STAU1: variants seen among roughly 807,000 people sequenced by gnomAD.
STAU1 encodes the protein staufen double-stranded RNA binding protein 1, also known as double-stranded RNA-binding protein Staufen homolog 1.
In STAU1, 13 loss-of-function variants were observed where a neutral mutation model predicts 62.9. The ratio of observed to expected loss-of-function variants is 0.21; its 90% CI spans 0.13 to 0.33. The LOEUF (loss-of-function observed/expected upper bound fraction) is 0.33. Among genes scored for constraint, STAU1 ranks in the 10% least tolerant of loss-of-function variants. STAU1 has a pLI of 1.00. For synonymous variants in STAU1, 269 were observed against 265.1 expected, an observed-to-expected ratio of 1.01 and a Z score of -0.14; for missense variants, 571 against 712.1, an observed-to-expected ratio of 0.80 and a Z score of 2.25.
In STAU1 at chr20:49,151,763, G is replaced by C; in HGVS notation, c.345-16C>G. 6.2e-7 allele frequency: 1 copy of C among 1,600,446 alleles called. No individual in the cohort carries two copies. Among genetic ancestry groups the C allele is most frequent in the Non-Finnish European group, 8.5e-7 (1 of 1,175,720 alleles). The stretch of plus-strand genomic sequence containing the variant: ...GTAAAAGTACCTAGAAATAAAAGGA[G>C]GTTAGGCAAATTACAGTCTCAAGTT... On this transcript the variant is annotated splice_polypyrimidine_tract_variant and intron_variant, in intron 4 of 13. Transcript: ENST00000371856.
chr20:49,170,231 A>T (rs192751583), intron 2 of STAU1, among the ~76,000 whole-genome samples: 1 of 152,374 alleles, frequency 6.6e-6, no homozygotes. Context: ...GGTTTACAGA[A>T]CTATCTGCAA....
intron 1 of STAU1, among the ~76,000 whole-genome samples, chr20:49,178,474 C>T (rs906722269): frequency 6.6e-5 from 10 of 151,926 alleles, no homozygotes; most frequent in South Asian, 2.1e-4. Flanking sequence ...ATTAGGCCGG[C>T]GCAGTGACTC....
intron 3 of STAU1, among the ~76,000 whole-genome samples, chr20:49,162,775 C>CAAA (rs933683643): frequency 2.6e-5 from 2 of 77,680 alleles, no homozygotes; most frequent in Non-Finnish European, 5.4e-5. Flanking sequence ...GACTCCGTCT[C>CAAA]AAAAAAAAAA....
intron 3 of STAU1, 50 bp downstream of exon 3, chr20:49,165,947 C>G (rs779796052): frequency 1.3e-6 from 2 of 1,590,866 alleles, no homozygotes. Flanking sequence ...GATCAGAAAA[C>G]AGGGTAAGAA....
chr20:49,127,783 C>T (rs998231326), intron 6 of STAU1, among the ~76,000 whole-genome samples: 46 of 152,060 alleles, frequency 3.0e-4, no homozygotes, highest in African/African-American at 1.0e-3. Flanking sequence ...AAGGCCAAGG[C>T]GGGTGGATGG....
At chr20:49,193,291 C>G, upstream of STAU1, among the ~76,000 whole-genome samples, 1 of 152,006 alleles carries the variant, frequency 6.6e-6, no homozygotes, top group Non-Finnish European at 1.5e-5. Context: ...GCACGAGAAT[C>G]GCTTGAACCC....
At chr20:49,168,913 A>T (rs1387253002) in intron 2 of STAU1, among the ~76,000 whole-genome samples, 1 of 152,008 alleles carries the variant, frequency 6.6e-6, no homozygotes, top group Non-Finnish European at 1.5e-5. Context: ...GGAAAAGAAA[A>T]TCCCCTTTCT....
chr20:49,132,621 T>C (rs1337761656), intron 6 of STAU1, among the ~76,000 whole-genome samples: 1 of 152,072 alleles, frequency 6.6e-6, no homozygotes, highest in Admixed American at 6.6e-5. Flanking sequence ...TAGTGAGGCA[T>C]GGTGGTGTGC....
At chr20:49,202,704 G>A in the STAU1 span, among the ~76,000 whole-genome samples, 2 of 151,758 alleles carry the variant, frequency 1.3e-5, no homozygotes, top group South Asian at 2.1e-4. Context: ...CTTCAACAAC[G>A]TAGGGAAACC....
chr20:49,185,881 T>C (rs2093780254), intron 1 of STAU1, among the ~76,000 whole-genome samples: 1 of 152,026 alleles, frequency 6.6e-6, no homozygotes, highest in Non-Finnish European at 1.5e-5. Flanking sequence ...GTTTTTTTTG[T>C]TTTGTTTTTT....
intron 6 of STAU1, chr20:49,134,696 C>A: frequency 9.2e-7 from 1 of 1,085,000 alleles, no homozygotes. Context: ...ATATTTAACT[C>A]TCTACATTTC....
the STAU1 span, among the ~76,000 whole-genome samples, chr20:49,215,807 G>A: frequency 1.3e-5 from 2 of 151,956 alleles, no homozygotes; most frequent in Admixed American, 1.3e-4. Context: ...AGGAGTTTGA[G>A]ACCAGACTGG....
chr20:49,142,392 A>G (rs571889248), intron 5 of STAU1, among the ~76,000 whole-genome samples: 1 of 152,248 alleles, frequency 6.6e-6, no homozygotes, highest in South Asian at 2.1e-4. Flanking sequence ...CCAGCCAAAA[A>G]AAAATTTTTT....
chr20:49,147,136 G>T (rs568986237), intron 5 of STAU1, among the ~76,000 whole-genome samples: 4 of 152,190 alleles, frequency 2.6e-5, no homozygotes, highest in Non-Finnish European at 5.9e-5. Flanking sequence ...CCTCTGAAAA[G>T]ACTGCTCTGA....
At chr20:49,174,583 T>C (rs1462756594) in intron 1 of STAU1, among the ~76,000 whole-genome samples, 11 of 150,704 alleles carry the variant, frequency 7.3e-5, no homozygotes, top group Non-Finnish European at 1.3e-4. Context: ...AGGCTGGGCA[T>C]GGTGGCTCAT....
chr20:49,199,454 C>T, the STAU1 span, among the ~76,000 whole-genome samples: 1 of 150,994 alleles, frequency 6.6e-6, no homozygotes, highest in Non-Finnish European at 1.5e-5. Flanking sequence ...TGGTCTCAAT[C>T]TCTTGACCTT....
At chr20:49,188,752 C>T (rs2093822010), upstream of STAU1, among the ~76,000 whole-genome samples, 1 of 152,220 alleles carries the variant, frequency 6.6e-6, no homozygotes, top group Admixed American at 6.5e-5. Flanking sequence ...CTTCCTCCAT[C>T]TGTAAATGTT....
At chr20:49,127,227 A>G (rs1436408802) in intron 6 of STAU1, among the ~76,000 whole-genome samples, 1 of 151,908 alleles carries the variant, frequency 6.6e-6, no homozygotes. Context: ...GGTGGCGGGC[A>G]CCTGTAATCC....
At chr20:49,198,871 G>GA in the STAU1 span, among the ~76,000 whole-genome samples, 2 of 152,220 alleles carry the variant, frequency 1.3e-5, no homozygotes, top group East Asian at 3.9e-4. Context: ...GCTGAGGCAG[G>GA]AAAATCGCTT....
Sources: gnomAD v4.1 joint callset for allele counts (sites outside exome capture counted in the v4.1 genomes callset) on GRCh38, gnomAD v4.1.1 for gene constraint, MANE v1.5 for transcripts, NCBI Gene and HGNC (gene_info 2026-07-23, HGNC 2026-07-21) for gene names.